DOK6: variants seen among roughly 807,000 people sequenced by gnomAD.
DOK6 encodes docking protein 6.
A neutral mutation model predicts 44.0 loss-of-function variants in DOK6; 22 were observed. The ratio of observed to expected loss-of-function variants is 0.50; its 90% CI spans 0.36 to 0.71. DOK6 has a LOEUF of 0.71. DOK6 is among the 30% of genes least tolerant of loss of function. DOK6 has a pLI of 0.00. For synonymous variants in DOK6, 166 were observed against 145.5 expected (o/e 1.14, Z -1.01); for missense variants, 340 against 416.4 (o/e 0.82, Z 1.60).
intron 2 of DOK6, among the ~76,000 whole-genome samples, chr18:69,576,057 A>C (rs1261682700): frequency 6.6e-6 from 1 of 152,024 alleles, no homozygotes; most frequent in Admixed American, 6.6e-5. Flanking sequence ...AGAATCATTA[A>C]CCCTTTTTCT....
At chr18:69,708,661 A>G (rs949574480) in intron 5 of DOK6, among the ~76,000 whole-genome samples, 22 of 151,846 alleles carry the variant, frequency 1.4e-4, no homozygotes, top group Non-Finnish European at 2.2e-4. Context: ...GGCGGACGCC[A>G]GTGTCCCACC....
chr18:69,672,377 T>C (rs1985818533), intron 3 of DOK6, among the ~76,000 whole-genome samples: 1 of 152,200 alleles, frequency 6.6e-6, no homozygotes. Flanking sequence ...TGTTTTGTTT[T>C]GATGGAGTTT....
At position 69,522,597 on chromosome 18, in the gene DOK6, C is replaced by G. The variant is rs2119956; in HGVS notation, c.67-41890C>G. Among the ~76,000 whole-genome samples, 1,090 of 151,970 alleles carry G rather than the reference C, an allele frequency of 7.2e-3. 8 individuals carry two copies. Among genetic ancestry groups the G allele is most frequent in the African/African-American group, 0.025 (1,039 of 41,482 alleles). On this transcript the variant is annotated intron_variant, in intron 1 of 7. Transcript: ENST00000382713. ...ATTAATGATTAATTAAAGAAAAAGA[C>G]AAAAAAGTAGAGACTCACAAAACTA...
intron 7 of DOK6, among the ~76,000 whole-genome samples, chr18:69,792,308 T>G (rs1980624385): frequency 6.6e-6 from 1 of 152,134 alleles, no homozygotes; most frequent in Admixed American, 6.6e-5. Flanking sequence ...TGATAGGAAT[T>G]GCACTGAATC....
chr18:69,456,886 T>A (rs904168224), intron 1 of DOK6, among the ~76,000 whole-genome samples: 4 of 152,232 alleles, frequency 2.6e-5, no homozygotes, highest in Admixed American at 6.5e-5. Context: ...TTGATTTGCA[T>A]TTCTCTGATG....
rs543111487 is a variant in DOK6, at chr18:69,691,602, G to A, written c.410-6802G>A. On this transcript the variant is annotated intron_variant, in intron 4 of 7. Transcript: ENST00000382713. The stretch of plus-strand genomic sequence containing the variant: ...TTTCAGTTTTCACCATGGTGAACCT[G>A]AGGTTAGGATGCAAGATGGGTCTGA... Among the ~76,000 whole-genome samples the A allele has an allele frequency of 3.3e-5, 5 of 152,312 alleles. No individual in the cohort carries two copies. The South Asian group carries it at 6.2e-4, about 19-fold the overall frequency.
At chr18:69,402,438 C>T (rs900815858) in intron 1 of DOK6, among the ~76,000 whole-genome samples, 4 of 152,070 alleles carry the variant, frequency 2.6e-5, no homozygotes, top group African/African-American at 9.7e-5. Context: ...AAAAAGAAAG[C>T]AAAAGAAGGG....
chr18:69,627,244 G>T (rs1376896624), intron 3 of DOK6, among the ~76,000 whole-genome samples: 1 of 152,128 alleles, frequency 6.6e-6, no homozygotes, highest in Non-Finnish European at 1.5e-5. Context: ...GAAGAGAAAT[G>T]CCTTCTTCAG....
At chr18:69,714,192 C>A (rs1315592391) in intron 5 of DOK6, among the ~76,000 whole-genome samples, 1 of 152,156 alleles carries the variant, frequency 6.6e-6, no homozygotes. Flanking sequence ...GGTAAACAGA[C>A]GTACAGCTTC....
intron 3 of DOK6, chr18:69,660,859 C>CG (rs1985506851): frequency 6.6e-6 from 1 of 151,992 alleles, no homozygotes; most frequent in Admixed American, 6.6e-5. Flanking sequence ...TTAGTAGAGA[C>CG]GGGGTTTCAC....
intron 1 of DOK6, among the ~76,000 whole-genome samples, chr18:69,452,090 CA>C (rs904369533): frequency 1.3e-5 from 2 of 151,488 alleles, no homozygotes; most frequent in Admixed American, 6.6e-5. Flanking sequence ...AATAGAGACA[CA>C]AAAAACCCTT....
chr18:69,800,693 C>G (rs2852147), intron 7 of DOK6, among the ~76,000 whole-genome samples: 68,523 of 151,942 alleles, frequency 0.45, 16,425 homozygotes, highest in East Asian at 0.58. Context: ...TACAGTGGTT[C>G]ATATCACATG....
chr18:69,450,581 GAAGAGCAACTCC>G (rs1364564346), intron 1 of DOK6, among the ~76,000 whole-genome samples: 9 of 149,056 alleles, frequency 6.0e-5, no homozygotes, highest in African/African-American at 9.9e-5. Context: ...TACTCCTCGA[GAAGAGCAACTCC>G]AAGACACATA....
At chr18:69,490,647 T>C (rs1404116652) in intron 1 of DOK6, among the ~76,000 whole-genome samples, 2 of 152,170 alleles carry the variant, frequency 1.3e-5, no homozygotes, top group Non-Finnish European at 2.9e-5. Context: ...TACATACTAA[T>C]ATAATAATTT....
rs757645197 is a variant in DOK6 at position 69,616,964 on chromosome 18, A to G, written c.289+17466A>G. The stretch of plus-strand genomic sequence containing the variant: ...AGCAATCTCTTAATAAGCTAACAAG[A>G]ATATCTGAGACTTTTAAATTTAAAC... On this transcript the variant is annotated intron_variant, in intron 3 of 7. Transcript: ENST00000382713. Among the ~76,000 whole-genome samples, 68 of 152,382 alleles carry G rather than the reference A, an allele frequency of 4.5e-4. 1 individual carries two copies. The highest frequency in any genetic ancestry group is 1.8e-4 in the Non-Finnish European group (12 of 68,032).
At chr18:69,415,752 T>TA (rs1056532626) in intron 1 of DOK6, among the ~76,000 whole-genome samples, 2 of 151,986 alleles carry the variant, frequency 1.3e-5, no homozygotes, top group African/African-American at 2.4e-5. Context: ...AGAAAAATCT[T>TA]AAAAAAGAAA....
intron 3 of DOK6, among the ~76,000 whole-genome samples, chr18:69,635,994 C>T (rs1984797816): frequency 6.6e-6 from 1 of 152,156 alleles, no homozygotes; most frequent in Non-Finnish European, 1.5e-5. Flanking sequence ...GTCTGTGACA[C>T]AGTAGAGATA....
chr18:69,754,519 A>AT (rs1555668471), intron 6 of DOK6, among the ~76,000 whole-genome samples: 3 of 152,196 alleles, frequency 2.0e-5, no homozygotes, highest in Non-Finnish European at 4.4e-5. Flanking sequence ...GAGAGTACTC[A>AT]TATTAGTTTG....
chr18:69,452,395 A>C (rs1979496182), intron 1 of DOK6, among the ~76,000 whole-genome samples: 1 of 143,666 alleles, frequency 7.0e-6, no homozygotes, highest in Admixed American at 7.2e-5. Flanking sequence ...GACCAATAAC[A>C]GGAGCTGAAA....
Sources: gnomAD v4.1 joint callset for allele counts (sites outside exome capture counted in the v4.1 genomes callset) on GRCh38, gnomAD v4.1.1 for gene constraint, MANE v1.5 for transcripts, NCBI Gene and HGNC (gene_info 2026-07-23, HGNC 2026-07-21) for gene names.